Variants in UNC13C observed in about 807,000 individuals in gnomAD.
UNC13C encodes unc-13 homolog C, also known as protein unc-13 homolog C.
Under a neutral mutation model 245.4 loss-of-function variants are expected in UNC13C, and 174 were observed. The ratio of observed to expected loss-of-function variants is 0.71; its 90% CI spans 0.63 to 0.80. The LOEUF (loss-of-function observed/expected upper bound fraction) is 0.80, where lower values mean the gene tolerates loss of function less well. Ranked by LOEUF, UNC13C falls within the 30% of genes least tolerant of loss-of-function variation. The pLI, the probability that UNC13C is intolerant of heterozygous loss-of-function variation, is 0.00. For missense variants in UNC13C, 2,829 were observed against 2,602.9 expected (o/e 1.09, Z -1.89); for synonymous variants, 992 against 895.1 (o/e 1.11, Z -1.93).
Position 54,336,150 on chromosome 15 carries a change from AT to A in UNC13C, c.4585-2207del, listed in dbSNP as rs2038568696. 1.1e-4 allele frequency among the ~76,000 whole-genome samples: 17 copies of A among 152,038 alleles called. No homozygotes were observed. In the South Asian group the frequency reaches 3.5e-3, roughly 32 times the overall value. ...TTTTCTTACTGTTAAGGGCATTTTA[AT>A]TTTAATTATTTTAAATTGATAGATA... On this transcript the variant is annotated intron_variant, in intron 16 of 32. Transcript: ENST00000260323.
At chr15:54,473,169 G>A (rs1464377942) in intron 19 of UNC13C, among the ~76,000 whole-genome samples, 1 of 151,500 alleles carries the variant, frequency 6.6e-6, no homozygotes, top group Non-Finnish European at 1.5e-5. Flanking sequence ...AAATATGTAT[G>A]CATTAGATGT....
chr15:53,840,184 G>T, the UNC13C span, among the ~76,000 whole-genome samples: 1 of 152,202 alleles, frequency 6.6e-6, no homozygotes, highest in Non-Finnish European at 1.5e-5. Flanking sequence ...ATAGAGAATT[G>T]TTTCCTACAA....
At chr15:54,481,560 G>A (rs530189373) in intron 19 of UNC13C, among the ~76,000 whole-genome samples, 16 of 152,268 alleles carry the variant, frequency 1.1e-4, no homozygotes, top group African/African-American at 3.9e-4. Context: ...AGTACTGGTT[G>A]CAGCAGCAGT....
intron 19 of UNC13C, among the ~76,000 whole-genome samples, chr15:54,435,679 C>T (rs1443277497): frequency 6.6e-6 from 1 of 151,132 alleles, no homozygotes; most frequent in African/African-American, 2.4e-5. Context: ...ACATGTATAC[C>T]TATGTAACAA....
At chr15:54,469,235 T>C (rs1892330456) in intron 19 of UNC13C, among the ~76,000 whole-genome samples, 1 of 151,604 alleles carries the variant, frequency 6.6e-6, no homozygotes, top group African/African-American at 2.4e-5. Flanking sequence ...CAGTTTATTA[T>C]TACTGTGTAG....
rs1040594595 is a variant in UNC13C at position 54,014,027 on chromosome 15, G to A, written c.1124G>A (p.Arg375Gln). Residue 375 changes from arginine (R) to glutamine (Q), a missense_variant, in exon 2 of 33, where the codon CGA becomes CAA. Physicochemically the swap from Arg to Gln is conservative, Grantham distance 43. Coordinates refer to ENST00000260323, the MANE Select transcript of UNC13C (RefSeq NM_001080534.3). The part of the protein sequence containing the change: ...HQRDCPNAKP[R>Q]PILVYFETPQ... ...AGAGACTGCCCAAATGCAAAGCCTCGACCCATACTTGTGTACTTTGAAACC... is the reference window on the plus strand; with the variant it reads ...AGAGACTGCCCAAATGCAAAGCCTCAACCCATACTTGTGTACTTTGAAACC... 3 of 1,613,568 alleles carry A rather than the reference G, an allele frequency of 1.9e-6. No individual in the cohort carries two copies. Among genetic ancestry groups the A allele is most frequent in the East Asian group, 2.2e-5 (1 of 44,880 alleles).
chr15:54,117,523 TTCTCTCTCTCTCTCTCTCTC>T (rs56332846), intron 2 of UNC13C, among the ~76,000 whole-genome samples: 1 of 102,040 alleles, frequency 9.8e-6, no homozygotes, highest in East Asian at 2.8e-4. Flanking sequence ...ACTATTATGT[TTCTCTCTCTCTCTCTCTCTC>T]TCTCTCTCTC....
chr15:54,493,898 G>GA (rs1893833897), intron 19 of UNC13C, among the ~76,000 whole-genome samples: 1 of 152,016 alleles, frequency 6.6e-6, no homozygotes, highest in African/African-American at 2.4e-5. Flanking sequence ...GAGCAAGAGA[G>GA]AAAAAAATGC....
intron 19 of UNC13C, among the ~76,000 whole-genome samples, chr15:54,450,767 C>A (rs570542092): frequency 1.3e-5 from 2 of 152,156 alleles, no homozygotes; most frequent in Non-Finnish European, 2.9e-5. Flanking sequence ...CGGTGCACTG[C>A]GCCCACTGTC....
chr15:54,172,735 TATATATATATATATATATATA>T (rs2033460030), intron 4 of UNC13C, among the ~76,000 whole-genome samples: 1 of 115,464 alleles, frequency 8.7e-6, no homozygotes, highest in Non-Finnish European at 1.7e-5. Context: ...TATATATATA[TATATATATATATATATATATA>T]TATATCTTTA....
At chr15:54,440,545 T>A (rs894971962) in intron 19 of UNC13C, among the ~76,000 whole-genome samples, 4 of 152,066 alleles carry the variant, frequency 2.6e-5, no homozygotes, top group Admixed American at 6.6e-5. Flanking sequence ...ACCATCTTTA[T>A]CCATCCATCC....
intron 17 of UNC13C, among the ~76,000 whole-genome samples, chr15:54,356,362 T>G (rs1169222441): frequency 6.9e-6 from 1 of 144,634 alleles, no homozygotes; most frequent in African/African-American, 2.8e-5. Context: ...TCTAAAAGTG[T>G]TTTTTTTTTC....
At chr15:54,084,400 C>G (rs1004099162) in intron 2 of UNC13C, among the ~76,000 whole-genome samples, 2 of 152,172 alleles carry the variant, frequency 1.3e-5, no homozygotes, top group Non-Finnish European at 2.9e-5. Flanking sequence ...AAATAATGGT[C>G]GTGAAGACAT....
chr15:54,374,420 C>T (rs1297213599), intron 17 of UNC13C, among the ~76,000 whole-genome samples: 3 of 152,196 alleles, frequency 2.0e-5, no homozygotes, highest in African/African-American at 7.2e-5. Flanking sequence ...CCCTCAGCAC[C>T]CAAAGTCTGG....
intron 30 of UNC13C, among the ~76,000 whole-genome samples, chr15:54,610,458 A>C (rs1596671070): frequency 6.6e-6 from 1 of 152,128 alleles, no homozygotes; most frequent in East Asian, 1.9e-4. Context: ...CTGGTCTCAA[A>C]CTGATGACCT....
chr15:53,982,214 C>G (rs1022356042), intron 1 of UNC13C, among the ~76,000 whole-genome samples: 1 of 152,234 alleles, frequency 6.6e-6, no homozygotes, highest in South Asian at 2.1e-4. Flanking sequence ...GGCCCAAATC[C>G]TGCGTTCAGG....
intron 18 of UNC13C, among the ~76,000 whole-genome samples, chr15:54,414,571 C>T (rs985813976): frequency 2.0e-5 from 3 of 151,958 alleles, no homozygotes; most frequent in South Asian, 2.1e-4. Context: ...TGCTTGAACC[C>T]GGGAGGCAGA....
the UNC13C span, among the ~76,000 whole-genome samples, chr15:53,906,574 T>C: frequency 6.6e-6 from 1 of 152,246 alleles, no homozygotes; most frequent in Admixed American, 6.5e-5. Context: ...GGATGTCCCA[T>C]CTTTCCTAGC....
rs781461247 is a variant in UNC13C at position 54,015,078 on chromosome 15, C to T, written c.2175C>T (p.Gly725=). 1.2e-6 allele frequency: 2 copies of T among 1,612,716 alleles called. No individual in the cohort carries two copies. Among genetic ancestry groups the T allele is most frequent in the Admixed American group, 3.3e-5 (2 of 59,774 alleles). The change falls in exon 2 of 33, where the codon GGC becomes GGT. Residue 725 remains glycine, a synonymous_variant. Transcript: ENST00000260323. ...ATGACAATTCTTCTCCATGCCCTGG[C>T]TTGGATAATGAACCACAAGGCCAGT... The part of the protein sequence containing the change: ...TQDDNSSPCP[G]LDNEPQGQWV...
Sources: gnomAD v4.1 joint callset for allele counts (sites outside exome capture counted in the v4.1 genomes callset) on GRCh38, gnomAD v4.1.1 for gene constraint, MANE v1.5 for transcripts, NCBI Gene and HGNC (gene_info 2026-07-23, HGNC 2026-07-21) for gene names.